Variants in WDTC1 observed in about 807,000 individuals in gnomAD.
WDTC1 encodes WD and tetratricopeptide repeats protein 1.
A neutral mutation model predicts 76.0 loss-of-function variants in WDTC1; 12 were observed. That is an observed-to-expected ratio of 0.16 (90% CI 0.10 to 0.26). WDTC1 has a LOEUF of 0.26. Ranked by LOEUF, WDTC1 falls within the 10% of genes least tolerant of loss-of-function variation. The probability of loss-of-function intolerance (pLI) is 1.00; values close to 1 mark genes in which losing one functional copy is unlikely to be tolerated. For missense variants in WDTC1, 511 were observed against 908.8 expected, an observed-to-expected ratio of 0.56 and a Z score of 5.63; for synonymous variants, 326 against 350.8, an observed-to-expected ratio of 0.93 and a Z score of 0.79.
chr1:27,259,201 C>T (rs2012389885), intron 1 of WDTC1, among the ~76,000 whole-genome samples: 1 of 151,948 alleles, frequency 6.6e-6, no homozygotes, highest in Admixed American at 6.6e-5. Flanking sequence ...GTTCTGTCAC[C>T]CAGGCAGGAG....
chr1:27,285,234 A>G (rs190340824), intron 5 of WDTC1, among the ~76,000 whole-genome samples: 15 of 151,796 alleles, frequency 9.9e-5, no homozygotes, highest in African/African-American at 1.2e-4. Flanking sequence ...ATAGGGTTTC[A>G]CCATGTTGGC....
At chr1:27,249,423 A>G (rs982031701) in intron 1 of WDTC1, among the ~76,000 whole-genome samples, 1 of 152,106 alleles carries the variant, frequency 6.6e-6, no homozygotes, top group East Asian at 1.9e-4. Context: ...TTCACTTGGC[A>G]TAATATTTTT....
intron 1 of WDTC1, among the ~76,000 whole-genome samples, chr1:27,242,989 C>G (rs944312817): frequency 1.3e-5 from 2 of 152,152 alleles, no homozygotes; most frequent in African/African-American, 4.8e-5. Context: ...GGTGATGAGT[C>G]TATCCTACCA....
Position 27,303,569 on chromosome 1 carries a change from G to C in WDTC1, c.1469-52G>C. On this transcript the variant is annotated intron_variant, in intron 13 of 15. Transcript: ENST00000319394. The surrounding 1 kb of genome is among the most constrained non-coding windows in gnomAD (Gnocchi z 4.8). ...CAGAGCCATAGGTGGGGGAAAATAGGGAAGGAGAGAAAGGAACAAGGCGCT... is the reference window on the plus strand; with the variant it reads ...CAGAGCCATAGGTGGGGGAAAATAGCGAAGGAGAGAAAGGAACAAGGCGCT... 1 of 1,528,400 alleles carries C rather than the reference G, an allele frequency of 6.5e-7. No homozygotes were observed. The highest frequency in any genetic ancestry group is 8.7e-7 in the Non-Finnish European group (1 of 1,143,802). 94.7% of individuals were successfully genotyped at this position (1,528,400 alleles called of 1,614,324 possible).
At chr1:27,297,419 C>T (rs773662840) in intron 11 of WDTC1, among the ~76,000 whole-genome samples, 6 of 152,210 alleles carry the variant, frequency 3.9e-5, no homozygotes, top group African/African-American at 4.8e-5. Context: ...CTAGCTGCCT[C>T]TTAGCACTGA....
Position 27,301,796 on chromosome 1 carries a change from G to A in WDTC1, c.1468+335G>A, listed in dbSNP as rs2013837160. ...AGGCATTCACACCTGCTTAGACAGG[G>A]CCCTGGTGGTTCCACTTGGGCATCT... On this transcript the variant is annotated intron_variant, in intron 13 of 15. Transcript: ENST00000319394. This position sits in a 1 kb window ranked among gnomAD's most constrained non-coding sequence, Gnocchi z 5.8. Among the ~76,000 whole-genome samples, 1 of 152,180 alleles carries A rather than the reference G, an allele frequency of 6.6e-6. No individual in the cohort carries two copies. Among genetic ancestry groups the A allele is most frequent in the Admixed American group, 6.5e-5 (1 of 15,278 alleles).
rs2013147017 is a variant in WDTC1, at chr1:27,280,091, T to A, written c.133-2148T>A. Among the ~76,000 whole-genome samples the A allele has an allele frequency of 1.3e-5, 2 of 152,240 alleles. 1 individual carries two copies. The highest frequency in any genetic ancestry group is 4.1e-4 in the South Asian group (2 of 4,832). On this transcript the variant is annotated intron_variant, in intron 3 of 15. Transcript: ENST00000319394. ...AACTTGCTCAAGGAAATACAGCTTG[T>A]ACACATAAAATGATATTTGTTGTAT...
intron 8 of WDTC1, 87 bp from the exon 9 acceptor site, chr1:27,294,427 A>T: frequency 8.2e-7 from 1 of 1,221,520 alleles, no homozygotes; most frequent in South Asian, 1.3e-5. Context: ...GTTGATTGGT[A>T]TAATTTTTGA....
chr1:27,287,184 C>A (rs560048529), intron 5 of WDTC1, among the ~76,000 whole-genome samples: 1 of 150,818 alleles, frequency 6.6e-6, no homozygotes, highest in East Asian at 2.0e-4. Flanking sequence ...ACAAAAAAAA[C>A]CCACACACAC....
intron 3 of WDTC1, among the ~76,000 whole-genome samples, chr1:27,264,371 T>C (rs1182596132): frequency 6.6e-6 from 1 of 152,100 alleles, no homozygotes; most frequent in Non-Finnish European, 1.5e-5. Context: ...ACAGGATTGC[T>C]TGAGCCCAGG....
chr1:27,246,756 T>G (rs1395924708), intron 1 of WDTC1, among the ~76,000 whole-genome samples: 2 of 151,640 alleles, frequency 1.3e-5, no homozygotes, highest in African/African-American at 4.8e-5. Flanking sequence ...GAGATGGGGT[T>G]TCACCATGTT....
chr1:27,299,228 TA>T (rs973129471), intron 12 of WDTC1, among the ~76,000 whole-genome samples: 2 of 152,224 alleles, frequency 1.3e-5, no homozygotes, highest in African/African-American at 2.4e-5. Context: ...TACTATGTGC[TA>T]GGTACTAGGA....
chr1:27,300,246 C>G (rs1432125038), intron 12 of WDTC1, among the ~76,000 whole-genome samples: 1 of 152,048 alleles, frequency 6.6e-6, no homozygotes, highest in Non-Finnish European at 1.5e-5. Flanking sequence ...TGAGCTGTGC[C>G]CTTGGAGAAG....
At chr1:27,295,498 G>C (rs1285076206) in intron 9 of WDTC1, among the ~76,000 whole-genome samples, 13 of 151,592 alleles carry the variant, frequency 8.6e-5, no homozygotes, top group African/African-American at 3.1e-4. Flanking sequence ...TTGTTGCCCA[G>C]GCTGGAGGGC....
At position 27,301,781 on chromosome 1, in the gene WDTC1, A is replaced by G. The variant is rs1473915704; in HGVS notation, c.1468+320A>G. Among the ~76,000 whole-genome samples, 2 of 152,172 alleles carry G rather than the reference A, an allele frequency of 1.3e-5. No individual in the cohort carries two copies. Among genetic ancestry groups the G allele is most frequent in the Non-Finnish European group, 2.9e-5 (2 of 68,026 alleles). ...AGTCAGGCTCCCGCTAGGCATTCAC[A>G]CCTGCTTAGACAGGGCCCTGGTGGT... On this transcript the variant is annotated intron_variant, in intron 13 of 15. Coordinates refer to ENST00000319394, the MANE Select transcript of WDTC1 (RefSeq NM_001276252.2). This position sits in a 1 kb window ranked among gnomAD's most constrained non-coding sequence, Gnocchi z 5.8.
rs1478907897 is a variant in WDTC1, at chr1:27,235,892, G to C, written c.-100+941G>C. ...GTGATTTTAGGAGCCTGGTAGGGTG[G>C]CTGAAGCTTCCCCATTCATTCCAAG... On this transcript the variant is annotated intron_variant, in intron 1 of 15. Transcript: ENST00000319394. Among the ~76,000 whole-genome samples the C allele has an allele frequency of 2.0e-5, 3 of 152,138 alleles. No individual in the cohort carries two copies. In the East Asian group the frequency reaches 5.8e-4, roughly 29 times the overall value.
intron 3 of WDTC1, among the ~76,000 whole-genome samples, chr1:27,276,264 A>G (rs530961610): frequency 1.5e-4 from 23 of 152,324 alleles, no homozygotes; most frequent in African/African-American, 5.3e-4. Flanking sequence ...GCTGGGTCAT[A>G]TGGTAACTCA....
chr1:27,257,248 G>C (rs533087445), intron 1 of WDTC1, among the ~76,000 whole-genome samples: 1 of 152,286 alleles, frequency 6.6e-6, no homozygotes, highest in Non-Finnish European at 1.5e-5. Flanking sequence ...CTCCACAGCA[G>C]CCTTCTAAGG....
rs538294496 is a variant in WDTC1 at position 27,277,419 on chromosome 1, C to G, written c.133-4820C>G. On this transcript the variant is annotated intron_variant, in intron 3 of 15. Transcript: ENST00000319394. ...ATGTGGACATCCACTTGTCCTGGCACCATGTGCTAAAAAGACTATTCTTTC... is the reference window on the plus strand; with the variant it reads ...ATGTGGACATCCACTTGTCCTGGCAGCATGTGCTAAAAAGACTATTCTTTC... 5.3e-5 allele frequency among the ~76,000 whole-genome samples: 8 copies of G among 152,238 alleles called. No homozygotes were observed. In the South Asian group the frequency reaches 6.2e-4, roughly 12 times the overall value.
Sources: allele counts gnomAD v4.1 joint callset (sites outside exome capture counted in the v4.1 genomes callset), GRCh38; gene constraint gnomAD v4.1.1; non-coding constraint Gnocchi (gnomAD v3.1); transcripts MANE v1.5; gene names NCBI Gene and HGNC (gene_info 2026-07-23, HGNC 2026-07-21).